The following CPA6 variants were observed in gnomAD, a reference collection of about 807,000 sequenced individuals.
The protein encoded by CPA6 is carboxypeptidase A6, also known as carboxypeptidase B.
A neutral mutation model predicts 63.3 loss-of-function variants in CPA6; 58 were observed. The observed-to-expected ratio is 0.92, with a 90% CI of 0.74 to 1.14. The LOEUF (loss-of-function observed/expected upper bound fraction) is 1.14, where lower values mean the gene tolerates loss of function less well. CPA6 is among the 50% of genes most tolerant of loss of function. The pLI is 0.00. For synonymous variants in CPA6, 185 were observed against 179.0 expected, an observed-to-expected ratio of 1.03 and a Z score of -0.27; for missense variants, 565 against 526.6, an observed-to-expected ratio of 1.07 and a Z score of -0.71.
chr8:67,483,945 C>A (rs1811415852), intron 7 of CPA6, 87 bp from the exon 8 acceptor site: 12 of 1,082,776 alleles, frequency 1.1e-5, no homozygotes, highest in Admixed American at 3.4e-5. Context: ...ATGAAAGAGT[C>A]ATACCACTGA....
At chr8:67,714,192 T>A (rs1345906142) in intron 1 of CPA6, among the ~76,000 whole-genome samples, 1 of 152,200 alleles carries the variant, frequency 6.6e-6, no homozygotes, top group African/African-American at 2.4e-5. Flanking sequence ...TATACATTAC[T>A]TCTTCACCGC....
chr8:67,708,878 C>A (rs1817194869), intron 1 of CPA6, among the ~76,000 whole-genome samples: 1 of 152,198 alleles, frequency 6.6e-6, no homozygotes, highest in African/African-American at 2.4e-5. Context: ...CCCAACCCCA[C>A]ACCAGAAACA....
intron 2 of CPA6, among the ~76,000 whole-genome samples, chr8:67,538,581 C>G (rs1041100709): frequency 6.8e-6 from 1 of 146,284 alleles, no homozygotes; most frequent in African/African-American, 2.5e-5. Context: ...TATTTGGAGC[C>G]TGTGTGTATC....
intron 1 of CPA6, among the ~76,000 whole-genome samples, chr8:67,744,577 C>G (rs1817972519): frequency 6.6e-6 from 1 of 152,116 alleles, no homozygotes; most frequent in Non-Finnish European, 1.5e-5. Context: ...GGAGTGAGGT[C>G]TTAGGTCATA....
At chr8:67,487,991 A>G (rs964568999) in intron 6 of CPA6, among the ~76,000 whole-genome samples, 14 of 152,140 alleles carry the variant, frequency 9.2e-5, no homozygotes, top group Non-Finnish European at 1.3e-4. Context: ...TTTTTCTCCC[A>G]TTTTGTAGGT....
intron 2 of CPA6, among the ~76,000 whole-genome samples, chr8:67,568,162 G>A (rs923362789): frequency 4.6e-5 from 7 of 152,102 alleles, no homozygotes; most frequent in Non-Finnish European, 1.5e-5. Flanking sequence ...GTCTATCCCT[G>A]CCAAAGAACT....
intron 1 of CPA6, among the ~76,000 whole-genome samples, chr8:67,745,717 ACACTGTAAATACTG>A (rs1250884888): frequency 1.3e-5 from 2 of 152,188 alleles, no homozygotes; most frequent in Non-Finnish European, 2.9e-5. Context: ...ACCAAGGCAA[ACACTGTAAATACTG>A]ACCATGGCTA....
chr8:67,483,564 T>A (rs1811403938), intron 8 of CPA6: 1 of 582,192 alleles, frequency 1.7e-6, no homozygotes, highest in Non-Finnish European at 3.1e-6. Context: ...ATATTTAAAA[T>A]CCTTGATTTT....
chr8:67,503,304 CTTAT>C (rs918894429), intron 6 of CPA6, among the ~76,000 whole-genome samples: 7 of 149,172 alleles, frequency 4.7e-5, no homozygotes, highest in African/African-American at 9.9e-5. Context: ...CTCCCAGAGT[CTTAT>C]TTATTTATTG....
intron 2 of CPA6, among the ~76,000 whole-genome samples, chr8:67,545,652 AC>A (rs980824445): frequency 2.2e-5 from 3 of 133,378 alleles, no homozygotes; most frequent in Non-Finnish European, 4.6e-5. Flanking sequence ...ACTGCACTCC[AC>A]CCCCTGGGTT....
At chr8:67,601,186 A>G (rs948828803) in intron 2 of CPA6, among the ~76,000 whole-genome samples, 1 of 152,194 alleles carries the variant, frequency 6.6e-6, no homozygotes, top group Non-Finnish European at 1.5e-5. Flanking sequence ...GGCACATGCA[A>G]TGTACATTTA....
At chr8:67,682,039 C>CT (rs201983751) in intron 1 of CPA6, among the ~76,000 whole-genome samples, 5,349 of 151,952 alleles carry the variant, frequency 0.035, 122 homozygotes, top group Non-Finnish European at 0.047. Context: ...CATAACGTGA[C>CT]TTTTTTCCCT....
intron 8 of CPA6, among the ~76,000 whole-genome samples, chr8:67,448,607 G>C (rs910888992): frequency 8.2e-6 from 1 of 121,472 alleles, no homozygotes; most frequent in African/African-American, 3.9e-5. Context: ...ATTCCAGCCT[G>C]GGTGACAGAG....
intron 1 of CPA6, among the ~76,000 whole-genome samples, chr8:67,634,033 T>C (rs1483062072): frequency 2.6e-5 from 4 of 151,702 alleles, no homozygotes; most frequent in African/African-American, 9.7e-5. Flanking sequence ...TCCAAGAATG[T>C]GACTGCATTT....
chr8:67,553,767 A>T (rs187945056), intron 2 of CPA6, among the ~76,000 whole-genome samples: 1 of 152,332 alleles, frequency 6.6e-6, no homozygotes, highest in East Asian at 1.9e-4. Flanking sequence ...AACTACTAAA[A>T]AATAATAAAA....
intron 2 of CPA6, among the ~76,000 whole-genome samples, chr8:67,541,510 G>A (rs1812703669): frequency 1.3e-5 from 2 of 152,078 alleles, no homozygotes; most frequent in East Asian, 3.9e-4. Flanking sequence ...GCAGCCCCCA[G>A]TCACATACCC....
chr8:67,571,018 A>C (rs1274284575), intron 2 of CPA6, among the ~76,000 whole-genome samples: 1 of 152,232 alleles, frequency 6.6e-6, no homozygotes, highest in Non-Finnish European at 1.5e-5. Flanking sequence ...TTTCACAAAA[A>C]AGGAAACCAA....
chr8:67,692,173 C>T (rs1444728314), intron 1 of CPA6, among the ~76,000 whole-genome samples: 1 of 151,998 alleles, frequency 6.6e-6, no homozygotes, highest in Non-Finnish European at 1.5e-5. Flanking sequence ...CTCATCTCTA[C>T]TAAAAATACA....
At position 67,484,718 on chromosome 8, in the gene CPA6, A is replaced by G. The variant is rs200461352; in HGVS notation, c.708T>C (p.Pro236=). Residue 236 remains proline (P), a synonymous_variant, in exon 7 of 11, where the codon CCT becomes CCC. Transcript: ENST00000297770. Reference sequence around the variant, plus strand: ...AATGGTATCCATCGACGTTAAACACAGGCATGATATAGAAATATAGATGAT... The same window carrying G: ...AATGGTATCCATCGACGTTAAACACGGGCATGATATAGAAATATAGATGAT... ...MLNHLYFYIM[P]VFNVDGYHFS... 8.2e-5 allele frequency: 132 copies of G among 1,609,668 alleles called. No individual in the cohort carries two copies. Among genetic ancestry groups the G allele is most frequent in the Non-Finnish European group, 1.1e-4 (130 of 1,176,288 alleles).
Sources: allele counts gnomAD v4.1 joint callset (sites outside exome capture counted in the v4.1 genomes callset), GRCh38; gene constraint gnomAD v4.1.1; transcripts MANE v1.5; gene names NCBI Gene and HGNC (gene_info 2026-07-23, HGNC 2026-07-21).